POLB: variants seen among roughly 807,000 people sequenced by gnomAD.
POLB encodes DNA polymerase beta.
POLB carries 37 observed loss-of-function variants against 52.7 expected under a neutral mutation model. That is an observed-to-expected ratio of 0.70 (90% CI 0.54 to 0.92). POLB has a LOEUF of 0.92. Among genes scored for constraint, POLB ranks in the 40% least tolerant of loss-of-function variants. The pLI is 0.00. For synonymous variants in POLB, 138 were observed against 131.3 expected, an observed-to-expected ratio of 1.05 and a Z score of -0.35; for missense variants, 313 against 400.8, an observed-to-expected ratio of 0.78 and a Z score of 1.87.
intron 2 of POLB, chr8:42,341,981 G>T: frequency 1.3e-6 from 1 of 745,838 alleles, no homozygotes; most frequent in South Asian, 1.4e-5. Context: ...TATGTATTGA[G>T]AGAACTGTTT....
chr8:42,346,771 G>T (rs1391760592), intron 3 of POLB, among the ~76,000 whole-genome samples: 1 of 152,170 alleles, frequency 6.6e-6, no homozygotes, highest in African/African-American at 2.4e-5. Flanking sequence ...TTTAGTGACA[G>T]ATTGTCCACA....
Position 42,339,257 on chromosome 8 carries a change from A to T in POLB, c.119+188A>T. 3 of 606,084 alleles carry T rather than the reference A, an allele frequency of 4.9e-6. No homozygotes were observed. The South Asian group carries it at 5.9e-5, about 12-fold the overall frequency. 37.5% of individuals were successfully genotyped at this position (606,084 alleles called of 1,614,324 possible). A position where few individuals can be genotyped will look rare whatever the true frequency, so the allele number is the denominator to read the frequency against. On this transcript the variant is annotated intron_variant, in intron 2 of 13. Transcript: ENST00000265421. ...AGTGCGTTATAGGATCAGTTCAGAT[A>T]AGTTCCCAATTCTGATTGCAGATAG... is the stretch of plus-strand genomic sequence containing the variant.
intron 11 of POLB, among the ~76,000 whole-genome samples, chr8:42,366,219 T>G (rs1824028508): frequency 6.6e-6 from 1 of 152,078 alleles, no homozygotes; most frequent in African/African-American, 2.4e-5. Flanking sequence ...GTTATCCCAG[T>G]ACATGTGCCA....
chr8:42,345,175 C>T (rs1310325669), intron 3 of POLB, among the ~76,000 whole-genome samples, 156 bp downstream of exon 3: 3 of 152,204 alleles, frequency 2.0e-5, no homozygotes, highest in African/African-American at 7.2e-5. Flanking sequence ...CTGTTTCATA[C>T]ACACTTTTTC....
intron 2 of POLB, among the ~76,000 whole-genome samples, chr8:42,344,159 A>T (rs1036177952): frequency 5.3e-4 from 60 of 113,694 alleles, no homozygotes; most frequent in Middle Eastern, 8.1e-3. Context: ...AAAAAAAAAA[A>T]GTGGCCGGGA....
intron 2 of POLB, chr8:42,341,979 G>A: frequency 1.3e-6 from 1 of 743,394 alleles, no homozygotes; most frequent in East Asian, 2.5e-5. Context: ...TTTATGTATT[G>A]AGAGAACTGT....
chr8:42,344,580 A>AT (rs1040945550), intron 2 of POLB, among the ~76,000 whole-genome samples: 5 of 151,698 alleles, frequency 3.3e-5, no homozygotes, highest in Admixed American at 1.3e-4. Flanking sequence ...CACTCCTGTA[A>AT]TCCCCGCACT....
At chr8:42,356,421 C>A (rs751990487) in intron 7 of POLB, among the ~76,000 whole-genome samples, 1 of 152,174 alleles carries the variant, frequency 6.6e-6, no homozygotes. Context: ...TTCCTAACAG[C>A]CTTATTGAGA....
intron 11 of POLB, among the ~76,000 whole-genome samples, chr8:42,368,456 G>A (rs1315198145): frequency 6.6e-6 from 1 of 152,220 alleles, no homozygotes; most frequent in African/African-American, 2.4e-5. Flanking sequence ...TTGAGGACCA[G>A]AAGCTTGTCA....
chr8:42,340,158 C>G (rs1461912201), intron 2 of POLB: 5 of 152,224 alleles, frequency 3.3e-5, no homozygotes, highest in Non-Finnish European at 5.9e-5. Context: ...CTCTTGACTT[C>G]TGTAATGGCA....
intron 12 of POLB, 89 bp from the exon 13 acceptor site, chr8:42,369,760 A>T: frequency 1.2e-6 from 1 of 813,508 alleles, no homozygotes; most frequent in Non-Finnish European, 1.9e-6. Flanking sequence ...TATCTTTGGT[A>T]TTTTGTTCCT....
At chr8:42,347,692 A>G in intron 3 of POLB, among the ~76,000 whole-genome samples, 1 of 152,270 alleles carries the variant, frequency 6.6e-6, no homozygotes, top group Non-Finnish European at 1.5e-5. Flanking sequence ...CCTTTAAAAA[A>G]ATATTGTGAT....
chr8:42,350,347 C>T (rs1441511332), intron 5 of POLB, among the ~76,000 whole-genome samples: 4 of 152,136 alleles, frequency 2.6e-5, no homozygotes, highest in East Asian at 1.9e-4. Context: ...CCATTTCCTC[C>T]GTGTGCATCT....
At chr8:42,370,426 T>G (rs1824311810) in intron 13 of POLB, among the ~76,000 whole-genome samples, 1 of 152,192 alleles carries the variant, frequency 6.6e-6, no homozygotes, top group Non-Finnish European at 1.5e-5. Flanking sequence ...GAATCTATGC[T>G]TAATGGGTTC....
intron 11 of POLB, among the ~76,000 whole-genome samples, chr8:42,365,447 C>G (rs1368299584): frequency 6.6e-6 from 1 of 152,156 alleles, no homozygotes; most frequent in African/African-American, 2.4e-5. Context: ...TTTTAATTCA[C>G]TCAAAATGAA....
chr8:42,369,648 A>C (rs1824256719), intron 12 of POLB: 1 of 527,094 alleles, frequency 1.9e-6, no homozygotes, highest in Non-Finnish European at 3.3e-6. Flanking sequence ...CATCTCTTTC[A>C]GAACAAAGTT....
Position 42,355,585 on chromosome 8 carries a change from CT to C in POLB, c.422+22del. ...GGGCTGAAGTAAGATGGCAGATTTT[CT>C]TTTGACACTTGAGATATAAAAGTAA... On this transcript the variant is annotated intron_variant, in intron 7 of 13. Coordinates refer to ENST00000265421, the MANE Select transcript of POLB (RefSeq NM_002690.3). The C allele has an allele frequency of 6.6e-7, 1 of 1,524,296 alleles. No individual in the cohort carries two copies. Among genetic ancestry groups the C allele is most frequent in the Non-Finnish European group, 9.1e-7 (1 of 1,101,134 alleles). The allele number at this position is 1,524,296 out of a possible 1,614,324, so 94.4% of individuals were successfully genotyped here.
intron 9 of POLB, 104 bp downstream of exon 9, chr8:42,357,496 G>A (rs1823392414): frequency 1.5e-6 from 1 of 671,798 alleles, no homozygotes; most frequent in African/African-American, 1.8e-5. Context: ...GTACTTCATA[G>A]ACTCACTAAG....
At chr8:42,355,441 G>A (rs1423914178) in intron 6 of POLB, 75 bp from the exon 7 acceptor site, 1 of 785,592 alleles carries the variant, frequency 1.3e-6, no homozygotes, top group Non-Finnish European at 2.2e-6. Flanking sequence ...TTTATAAAAA[G>A]GGTCATTGAG....
Sources: allele counts gnomAD v4.1 joint callset (sites outside exome capture counted in the v4.1 genomes callset), GRCh38; gene constraint gnomAD v4.1.1; transcripts MANE v1.5; gene names NCBI Gene and HGNC (gene_info 2026-07-23, HGNC 2026-07-21).